PRDM6: variants seen among roughly 807,000 people sequenced by gnomAD.
The protein encoded by PRDM6 is PR/SET domain 6, also known as putative histone-lysine N-methyltransferase PRDM6.
PRDM6 carries 25 observed loss-of-function variants against 60.8 expected under a neutral mutation model. That is an observed-to-expected ratio of 0.41 (90% CI 0.30 to 0.57). The LOEUF is 0.57. Ranked by LOEUF, PRDM6 falls within the 20% of genes least tolerant of loss-of-function variation. The pLI is 0.27. For missense variants in PRDM6, 839 were observed against 821.3 expected, an observed-to-expected ratio of 1.02 and a Z score of -0.26; for synonymous variants, 407 against 357.4, an observed-to-expected ratio of 1.14 and a Z score of -1.57.
In PRDM6 at chr5:123,188,675, T is replaced by A. The variant is rs1375017290; in HGVS notation, c.*1474T>A. On this transcript the variant is annotated 3_prime_UTR_variant, in exon 8 of 8. Transcript: ENST00000407847. Reference sequence around the variant, plus strand: ...AGGACACAGTCTTTTAAGGAACTCCTTGTCTTTGAGCTTTCCCATTGTCTT... The same window carrying A: ...AGGACACAGTCTTTTAAGGAACTCCATGTCTTTGAGCTTTCCCATTGTCTT... 2.0e-5 allele frequency: 3 copies of A among 152,216 alleles called. No individual in the cohort carries two copies. The highest frequency in any genetic ancestry group is 4.4e-5 in the Non-Finnish European group (3 of 68,040). The allele number at this position is 152,216 out of a possible 1,614,324, so 9.4% of individuals were successfully genotyped here. A position where few individuals can be genotyped will look rare whatever the true frequency, so the allele number is the denominator to read the frequency against.
chr5:123,128,225 A>C (rs992091549), intron 3 of PRDM6, among the ~76,000 whole-genome samples: 35 of 152,176 alleles, frequency 2.3e-4, no homozygotes, highest in African/African-American at 7.5e-4. Context: ...GCCACAGTAA[A>C]CATACGTGTG....
chr5:123,111,922 C>T (rs1204540437), intron 3 of PRDM6, among the ~76,000 whole-genome samples: 1 of 152,152 alleles, frequency 6.6e-6, no homozygotes, highest in Non-Finnish European at 1.5e-5. Context: ...GGCTAATCTC[C>T]TGTGGACATT....
intron 3 of PRDM6, among the ~76,000 whole-genome samples, chr5:123,123,238 T>G (rs1037125637): frequency 1.3e-5 from 2 of 152,256 alleles, no homozygotes; most frequent in Non-Finnish European, 2.9e-5. Flanking sequence ...TTCATATTAG[T>G]GGCTTTTAAC....
At chr5:123,129,113 A>G (rs7723690) in intron 3 of PRDM6, among the ~76,000 whole-genome samples, 2,028 of 152,122 alleles carry the variant, frequency 0.013, 22 homozygotes, top group Middle Eastern at 0.054. Context: ...GTTCTGTTCC[A>G]TTGGTCTATG....
chr5:123,141,347 GTAAT>G (rs1765094779), intron 3 of PRDM6, among the ~76,000 whole-genome samples: 1 of 151,874 alleles, frequency 6.6e-6, no homozygotes, highest in African/African-American at 2.4e-5. Context: ...TGGCATTTAT[GTAAT>G]TAATTCATTA....
intron 3 of PRDM6, among the ~76,000 whole-genome samples, chr5:123,135,973 G>A (rs995499127): frequency 3.9e-5 from 6 of 151,974 alleles, no homozygotes; most frequent in Non-Finnish European, 8.8e-5. Context: ...TTTTTCACTC[G>A]CACTAAAGTA....
At chr5:123,120,343 G>A (rs528044908) in intron 3 of PRDM6, among the ~76,000 whole-genome samples, 2 of 152,320 alleles carry the variant, frequency 1.3e-5, no homozygotes, top group Admixed American at 6.5e-5. Context: ...CTGCTGTTTG[G>A]TTGTTGAGTG....
intron 4 of PRDM6, among the ~76,000 whole-genome samples, chr5:123,157,871 A>G (rs1186919009): frequency 1.3e-5 from 2 of 152,244 alleles, no homozygotes; most frequent in Non-Finnish European, 2.9e-5. Context: ...GTTTATTGGC[A>G]TGTGTTCCAC....
In PRDM6 at chr5:123,171,116, T is replaced by A. The variant is rs961750948; in HGVS notation, c.1496+8T>A. 2 of 1,517,392 alleles carry A rather than the reference T, an allele frequency of 1.3e-6. No individual in the cohort carries two copies. The highest frequency in any genetic ancestry group is 1.8e-6 in the Non-Finnish European group (2 of 1,127,944). The allele number at this position is 1,517,392 out of a possible 1,614,324, so 94.0% of individuals were successfully genotyped here. ...CACGCAGAACCCCGACAGGTAACCC[T>A]GACTCTCACTGCTGACAGTGTGTTT... On this transcript the variant is annotated splice_region_variant and intron_variant, in intron 6 of 7. Transcript: ENST00000407847.
chr5:123,159,457 A>G, intron 4 of PRDM6, 57 bp from the exon 5 acceptor site: 1 of 1,522,684 alleles, frequency 6.6e-7, no homozygotes, highest in Non-Finnish European at 8.8e-7. Flanking sequence ...AAAAATATGG[A>G]TGGGGGCACA....
Position 123,099,953 on chromosome 5 carries a change from C to G in PRDM6, c.892C>G (p.Leu298Val). The change falls in exon 3 of 8, where the codon CTC (leucine) becomes GTC (valine). Residue 298 changes from leucine to valine, a missense_variant. This residue lies in a region of PRDM6 where 730 missense variants were observed against 648.8 expected (regional missense o/e 1.13). Transcript: ENST00000407847. The surrounding 1 kb of genome is among the most constrained non-coding windows in gnomAD (Gnocchi z 4.0). The stretch of plus-strand genomic sequence containing the variant: ...AGGCGCCGTGAGGAACACGCAGCAT[C>G]TCTGGGAGGTAAGTGGCCGGCTGCA... Reference protein sequence around the residue: ...QAGAVRNTQHLWEIYDQDGTL... With the variant: ...QAGAVRNTQHVWEIYDQDGTL... The G allele has an allele frequency of 5.3e-6, 8 of 1,516,826 alleles. No individual in the cohort carries two copies. Among genetic ancestry groups the G allele is most frequent in the Non-Finnish European group, 7.1e-6 (8 of 1,125,400 alleles). The allele number at this position is 1,516,826 out of a possible 1,614,324, so 94.0% of individuals were successfully genotyped here.
chr5:123,159,731 G>A, intron 5 of PRDM6, 93 bp downstream of exon 5: 1 of 1,244,162 alleles, frequency 8.0e-7, no homozygotes, highest in Non-Finnish European at 1.1e-6. Context: ...ATGAAACGTG[G>A]TTCACTGTAA....
At chr5:123,118,393 A>G (rs896715905) in intron 3 of PRDM6, among the ~76,000 whole-genome samples, 8 of 152,174 alleles carry the variant, frequency 5.3e-5, no homozygotes, top group African/African-American at 1.9e-4. Flanking sequence ...CTAGGTAGAG[A>G]GTTGCGGTTT....
chr5:123,183,981 C>T (rs550639125), intron 7 of PRDM6, among the ~76,000 whole-genome samples: 18 of 152,002 alleles, frequency 1.2e-4, no homozygotes, highest in African/African-American at 3.6e-4. Context: ...AATCATTCAT[C>T]GCTATGTTCT....
At chr5:123,090,739 C>A (rs1763819552) in intron 2 of PRDM6, 133 bp downstream of exon 2, 1 of 651,256 alleles carries the variant, frequency 1.5e-6, no homozygotes, top group Non-Finnish European at 2.4e-6. Context: ...CTGGTCCTGG[C>A]CGCTGGCCCG....
chr5:123,100,101 T>C (rs1409715005), intron 3 of PRDM6, 140 bp downstream of exon 3: 6 of 910,232 alleles, frequency 6.6e-6, no homozygotes, highest in South Asian at 4.0e-5. Flanking sequence ...TAGCGGAGAA[T>C]AGATTTCTCT....
chr5:123,153,610 A>T (rs867964569), intron 3 of PRDM6, among the ~76,000 whole-genome samples: 1 of 152,200 alleles, frequency 6.6e-6, no homozygotes, highest in Non-Finnish European at 1.5e-5. Flanking sequence ...AAGCCTGACA[A>T]ATAGCCTTTT....
rs148203992 is a variant in PRDM6 at position 123,112,659 on chromosome 5, A to T, written c.900+12698A>T. Among the ~76,000 whole-genome samples the T allele has an allele frequency of 4.3e-3, 651 of 152,292 alleles. 6 individuals are homozygous for T. The highest frequency in any genetic ancestry group is 0.015 in the African/African-American group (622 of 41,552). On this transcript the variant is annotated intron_variant, in intron 3 of 7. Coordinates refer to ENST00000407847, the MANE Select transcript of PRDM6 (RefSeq NM_001136239.4). ...ATCTGAAAGTCCTGACATTGTTTCAAACTGAGTTCACTAACTGCTGGCACT... is the reference window on the plus strand; with the variant it reads ...ATCTGAAAGTCCTGACATTGTTTCATACTGAGTTCACTAACTGCTGGCACT...
chr5:123,162,023 A>AC (rs1464181045), intron 5 of PRDM6, among the ~76,000 whole-genome samples: 1 of 152,130 alleles, frequency 6.6e-6, no homozygotes, highest in Non-Finnish European at 1.5e-5. Flanking sequence ...ATCCAACAGC[A>AC]TTTTCTGACA....
Sources: gnomAD v4.1 joint callset for allele counts (sites outside exome capture counted in the v4.1 genomes callset) on GRCh38, gnomAD v4.1.1 for gene constraint, gnomAD v4.1.1 regional missense constraint, Gnocchi (gnomAD v3.1) non-coding constraint, MANE v1.5 for transcripts, NCBI Gene and HGNC (gene_info 2026-07-23, HGNC 2026-07-21) for gene names.